The following N4BP3 variants were observed in gnomAD, a reference collection of about 807,000 sequenced individuals.
N4BP3 encodes the protein NEDD4-binding protein 3.
N4BP3 carries 33 observed loss-of-function variants against 43.8 expected under a neutral mutation model. The ratio of observed to expected loss-of-function variants is 0.75; its 90% CI spans 0.57 to 1.01. The LOEUF is 1.01. Among genes scored for constraint, N4BP3 ranks in the 50% least tolerant of loss-of-function variants. The probability of loss-of-function intolerance (pLI) is 0.00; values close to 1 mark genes in which losing one functional copy is unlikely to be tolerated. For synonymous variants in N4BP3, 326 were observed against 321.9 expected (o/e 1.01, Z -0.14); for missense variants, 756 against 744.2 (o/e 1.02, Z -0.18).
chr5:178,117,475 G>A (rs1388011622), intron 1 of N4BP3, among the ~76,000 whole-genome samples: 1 of 152,100 alleles, frequency 6.6e-6, no homozygotes, highest in African/African-American at 2.4e-5. Context: ...GCTGGGCACA[G>A]TGTCACGCAC....
rs1335121946 is a variant in N4BP3, at chr5:178,124,090, T to C, written c.*2089T>C. On this transcript the variant is annotated 3_prime_UTR_variant, in exon 5 of 5. Coordinates refer to ENST00000274605, the MANE Select transcript of N4BP3 (RefSeq NM_015111.2). The stretch of plus-strand genomic sequence containing the variant: ...CTCCAGAGGGCCCCTCAGAGCCAGG[T>C]GCTGGCCAGATGCCTTGATCACAGC... The C allele has an allele frequency of 6.5e-6, 1 of 152,704 alleles. No individual in the cohort carries two copies. The highest frequency in any genetic ancestry group is 1.5e-5 in the Non-Finnish European group (1 of 68,106). The allele number at this position is 152,704 out of a possible 1,614,324, so 9.5% of individuals were successfully genotyped here.
At chr5:178,115,113 T>C (rs758604795) in intron 1 of N4BP3, among the ~76,000 whole-genome samples, 4 of 152,182 alleles carry the variant, frequency 2.6e-5, no homozygotes, top group Non-Finnish European at 2.9e-5. Flanking sequence ...TGAGGGTAAT[T>C]ACTGTCCTGT....
At chr5:178,114,540 G>T (rs1757726758) in intron 1 of N4BP3, among the ~76,000 whole-genome samples, 2 of 152,170 alleles carry the variant, frequency 1.3e-5, no homozygotes, top group African/African-American at 4.8e-5. Context: ...ACTGAGACCC[G>T]TTGCCTCCCA....
downstream of N4BP3, among the ~76,000 whole-genome samples, chr5:178,126,864 C>G (rs1758075499): frequency 6.6e-6 from 1 of 152,174 alleles, no homozygotes; most frequent in Admixed American, 6.5e-5. Flanking sequence ...TGCATTTCCT[C>G]CCCTCAACCT....
rs1267685733 is a variant in N4BP3 at position 178,120,664 on chromosome 5, C to A, written c.817C>A (p.Leu273Ile). The change falls in exon 3 of 5, where the codon CTT (leucine) becomes ATT (isoleucine). Residue 273 changes from leucine (L) to isoleucine (I), a missense_variant. Transcript: ENST00000274605. The part of the protein sequence containing the change: ...PETCEELKRG[L>I]GDEDGSNPFT... The stretch of plus-strand genomic sequence containing the variant: ...GACCTGTGAGGAGCTCAAGAGGGGC[C>A]TTGGCGATGAGGACGGCTCCAACCC... 4 of 1,602,422 alleles carry A rather than the reference C, an allele frequency of 2.5e-6. No homozygotes were observed. The highest frequency in any genetic ancestry group is 3.4e-6 in the Non-Finnish European group (4 of 1,179,690).
rs189346124 is a variant in N4BP3 at position 178,119,291 on chromosome 5, C to T, written c.-30-263C>T. On this transcript the variant is annotated intron_variant, in intron 1 of 4. Coordinates refer to ENST00000274605, the MANE Select transcript of N4BP3 (RefSeq NM_015111.2). ...AGGCCCCGAGGTGGAGCTGGCCCTTCGGTGCTCGGCTGGGGCACCATTGCT... is the reference window on the plus strand; with the variant it reads ...AGGCCCCGAGGTGGAGCTGGCCCTTTGGTGCTCGGCTGGGGCACCATTGCT... 2.9e-3 allele frequency among the ~76,000 whole-genome samples: 435 copies of T among 152,328 alleles called. 2 individuals are homozygous for T. The highest frequency in any genetic ancestry group is 6.9e-3 in the Admixed American group (105 of 15,302).
At position 178,118,613 on chromosome 5, in the gene N4BP3, G is replaced by A. The variant is rs527439692; in HGVS notation, c.-30-941G>A. 2.6e-5 allele frequency among the ~76,000 whole-genome samples: 4 copies of A among 152,272 alleles called. No individual in the cohort carries two copies. The highest frequency in any genetic ancestry group is 2.1e-4 in the South Asian group (1 of 4,828). The stretch of plus-strand genomic sequence containing the variant: ...CCCGGAAACTGTGGCCATTGTTCAC[G>A]TCATCCTTCCTCCTTTTGGGCCCTT... On this transcript the variant is annotated intron_variant, in intron 1 of 4. Coordinates refer to ENST00000274605, the MANE Select transcript of N4BP3 (RefSeq NM_015111.2). The surrounding 1 kb of genome is among the most constrained non-coding windows in gnomAD (Gnocchi z 5.4).
At chr5:178,116,209 C>G (rs906331126) in intron 1 of N4BP3, among the ~76,000 whole-genome samples, 2 of 151,978 alleles carry the variant, frequency 1.3e-5, no homozygotes, top group African/African-American at 4.8e-5. Context: ...CTGCCCTGCC[C>G]GGAGCAGGCA....
Position 178,122,048 on chromosome 5 carries a change from T to A in N4BP3, c.*47T>A, listed in dbSNP as rs1757944751. ...GCAGCAACACTGTCAGAAGGTGCCC[T>A]GAGACGGCCGGCTCAGCCTTCCCTT... is the stretch of plus-strand genomic sequence containing the variant. On this transcript the variant is annotated 3_prime_UTR_variant, in exon 5 of 5. Transcript: ENST00000274605. 6.6e-7 allele frequency: 1 copy of A among 1,523,030 alleles called. No individual in the cohort carries two copies. The highest frequency in any genetic ancestry group is 8.8e-7 in the Non-Finnish European group (1 of 1,138,176). The allele number at this position is 1,523,030 out of a possible 1,614,324, so 94.3% of individuals were successfully genotyped here. A position where few individuals can be genotyped will look rare whatever the true frequency, so the allele number is the denominator to read the frequency against.
At chr5:178,120,092 C>T in intron 2 of N4BP3, 86 bp from the exon 3 acceptor site, 1 of 1,508,330 alleles carries the variant, frequency 6.6e-7, no homozygotes, top group Admixed American at 2.2e-5. Flanking sequence ...AAAGAGGATC[C>T]CTCAGGGGCT....
intron 3 of N4BP3, 37 bp from the exon 4 acceptor site, chr5:178,121,061 G>A: frequency 1.3e-6 from 2 of 1,584,670 alleles, no homozygotes; most frequent in East Asian, 2.2e-5. Flanking sequence ...CCTCTAGGGG[G>A]CAGGGCCACG....
rs1757863339 is a variant in N4BP3, at chr5:178,119,738, A to G, written c.155A>G (p.Gln52Arg). The G allele has an allele frequency of 6.2e-7, 1 of 1,613,430 alleles. No homozygotes were observed. Among genetic ancestry groups the G allele is most frequent in the Admixed American group, 1.7e-5 (1 of 59,990 alleles). ...PDGLLRKGLG[Q>R]REFLSYLHLP... is the part of the protein sequence containing the mutation. ...GGGCTCCTCCGGAAGGGCTTGGGCC[A>G]GCGTGAGTTCCTCAGCTACCTGCAC... Residue 52 changes from glutamine (Q) to arginine (R), a missense_variant, in exon 2 of 5, where the codon CAG becomes CGG. Coordinates refer to ENST00000274605, the MANE Select transcript of N4BP3 (RefSeq NM_015111.2).
Position 178,121,546 on chromosome 5 carries a change from AAGCTGGCGG to A in N4BP3, c.1183_1191del (p.Leu395_Glu397del). The A allele has an allele frequency of 5.6e-6, 9 of 1,613,760 alleles. No homozygotes were observed. Among genetic ancestry groups the A allele is most frequent in the Non-Finnish European group, 7.6e-6 (9 of 1,179,992 alleles). ...TGAAGCCCAGGCGGAACTGGCCCAG[AAGCTGGCGG>A]AGATCTTCAGTCTGAAGACACAACT... On this transcript the variant is annotated inframe_deletion, in exon 5 of 5. Coordinates refer to ENST00000274605, the MANE Select transcript of N4BP3 (RefSeq NM_015111.2).
In N4BP3 at chr5:178,121,257, C is replaced by A. The variant is rs757650728; in HGVS notation, c.1012C>A (p.Arg338=). 2 of 1,606,096 alleles carry A rather than the reference C, an allele frequency of 1.2e-6. No individual in the cohort carries two copies. Among genetic ancestry groups the A allele is most frequent in the Non-Finnish European group, 1.7e-6 (2 of 1,176,910 alleles). ...QEQRRLRKEL[R]AQQGLAPEPR... is the part of the protein sequence containing the mutation. ...GCAGCGGCGCCTGCGCAAGGAGCTG[C>A]GGGCTCAGCAGGGCCTGGCTCCGGA... The change falls in exon 4 of 5, where the codon CGG becomes AGG. Residue 338 remains arginine (R), a synonymous_variant. Coordinates refer to ENST00000274605, the MANE Select transcript of N4BP3 (RefSeq NM_015111.2).
intron 3 of N4BP3, among the ~76,000 whole-genome samples, 179 bp downstream of exon 3, chr5:178,120,878 G>C (rs955542194): frequency 6.6e-6 from 1 of 152,214 alleles, no homozygotes; most frequent in Non-Finnish European, 1.5e-5. Context: ...GTCACTGGGG[G>C]TCCTTGCCTG....
chr5:178,116,195 C>A (rs10479489), intron 1 of N4BP3, among the ~76,000 whole-genome samples: 4 of 19,586 alleles, frequency 2.0e-4, no homozygotes, highest in Non-Finnish European at 3.9e-4. Flanking sequence ...GCTGCCCTGC[C>A]CAGCTGCCCT....
intron 1 of N4BP3, among the ~76,000 whole-genome samples, chr5:178,115,929 T>A (rs533436996): frequency 6.6e-6 from 1 of 151,772 alleles, no homozygotes; most frequent in Non-Finnish European, 1.5e-5. Flanking sequence ...GGAGCAGGAG[T>A]GAAGAGGCCT....
chr5:178,119,984 A>T (rs773390864), intron 2 of N4BP3, 71 bp downstream of exon 2: 34 of 1,484,678 alleles, frequency 2.3e-5, no homozygotes, highest in Non-Finnish European at 2.9e-5. Flanking sequence ...TGATGTTGGG[A>T]TGGGGTGGGG....
rs1303334588 is a variant in N4BP3 at position 178,119,661 on chromosome 5, T to G, written c.78T>G (p.Pro26=). 1 of 1,605,896 alleles carries G rather than the reference T, an allele frequency of 6.2e-7. No individual in the cohort carries two copies. Among genetic ancestry groups the G allele is most frequent in the Non-Finnish European group, 8.5e-7 (1 of 1,176,206 alleles). Residue 26 remains proline, a synonymous_variant, in exon 2 of 5, where the codon CCT becomes CCG. Transcript: ENST00000274605. ...GSLLERQDFS[P]EELRAALAGS... ...TGTTGGAACGGCAGGACTTCTCCCC[T>G]GAAGAGCTGCGGGCGGCACTTGCCG...
Sources: allele counts gnomAD v4.1 joint callset (sites outside exome capture counted in the v4.1 genomes callset), GRCh38; gene constraint gnomAD v4.1.1; non-coding constraint Gnocchi (gnomAD v3.1); transcripts MANE v1.5; gene names NCBI Gene and HGNC (gene_info 2026-07-23, HGNC 2026-07-21).